Variants in SLC30A4 observed in about 807,000 individuals in gnomAD.
The protein encoded by SLC30A4 is probable proton-coupled zinc antiporter SLC30A4.
In SLC30A4, 20 loss-of-function variants were observed where a neutral mutation model predicts 41.7. The ratio of observed to expected loss-of-function variants is 0.48; its 90% CI spans 0.34 to 0.70. The LOEUF (loss-of-function observed/expected upper bound fraction) is 0.70, where lower values mean the gene tolerates loss of function less well. Among genes scored for constraint, SLC30A4 ranks in the 30% least tolerant of loss-of-function variants. The pLI is 0.01. For synonymous variants in SLC30A4, 181 were observed against 195.9 expected (o/e 0.92, Z 0.64); for missense variants, 441 against 529.3 (o/e 0.83, Z 1.64).
chr15:45,487,519 G>A lies in SLC30A4; in HGVS notation c.1000+8C>T. On this transcript the variant is annotated splice_region_variant and intron_variant, in intron 6 of 7. Coordinates refer to ENST00000261867, the MANE Select transcript of SLC30A4 (RefSeq NM_013309.6). ...TAAACTCATAATGAGGATATAGTGA[G>A]ATCTTACCTTCTAGTATTATAACTA... 1 of 1,276,168 alleles carries A rather than the reference G, an allele frequency of 7.8e-7. No individual in the cohort carries two copies. The highest frequency in any genetic ancestry group is 1.1e-6 in the Non-Finnish European group (1 of 874,362). The allele number at this position is 1,276,168 out of a possible 1,614,324, so 79.1% of individuals were successfully genotyped here.
rs922369484 is a variant in SLC30A4, at chr15:45,480,723, A to C, written c.*4440T>G. On this transcript the variant is annotated 3_prime_UTR_variant, in exon 8 of 8. Coordinates refer to ENST00000261867, the MANE Select transcript of SLC30A4 (RefSeq NM_013309.6). ...TAAGAACACCATATTAAGTTGAGCC[A>C]ATTAACATATATGCATAAAAGGAAA... 2.0e-5 allele frequency: 3 copies of C among 152,240 alleles called. No individual in the cohort carries two copies. Among genetic ancestry groups the C allele is most frequent in the African/African-American group, 7.2e-5 (3 of 41,458 alleles). The allele number at this position is 152,240 out of a possible 1,614,324, so 9.4% of individuals were successfully genotyped here. A position where few individuals can be genotyped will look rare whatever the true frequency, so the allele number is the denominator to read the frequency against.
rs1278765845 is a variant in SLC30A4, at chr15:45,482,046, C to A, written c.*3117G>T. The stretch of plus-strand genomic sequence containing the variant: ...GACCAGCCTGGGCAACATAGGGAGA[C>A]CCCATCTCATTAAAAAAAAAAAAAA... On this transcript the variant is annotated 3_prime_UTR_variant, in exon 8 of 8. Coordinates refer to ENST00000261867, the MANE Select transcript of SLC30A4 (RefSeq NM_013309.6). 2.3e-5 allele frequency: 3 copies of A among 129,366 alleles called. No homozygotes were observed. The highest frequency in any genetic ancestry group is 2.6e-4 in the South Asian group (1 of 3,874). 8.0% of individuals were successfully genotyped at this position (129,366 alleles called of 1,614,324 possible).
At chr15:45,487,733 G>A (rs549431753) in intron 5 of SLC30A4, 101 bp from the exon 6 acceptor site, 2 of 628,542 alleles carry the variant, frequency 3.2e-6, no homozygotes, top group South Asian at 4.1e-5. Flanking sequence ...ATTTTCTTTA[G>A]CAGAATTACA....
rs1314176770 is a variant in SLC30A4, at chr15:45,522,054, G to C, written c.301C>G (p.Gln101Glu). 3.1e-6 allele frequency: 5 copies of C among 1,614,064 alleles called. No homozygotes were observed. The highest frequency in any genetic ancestry group is 2.7e-5 in the African/African-American group (2 of 74,932). The change falls in exon 2 of 8, where the codon CAG becomes GAG. Residue 101 changes from glutamine to glutamate, a missense_variant. This residue lies in a region of SLC30A4 where 312 missense variants were observed against 341.9 expected (regional missense o/e 0.91). Coordinates refer to ENST00000261867, the MANE Select transcript of SLC30A4 (RefSeq NM_013309.6). ...TTTCTCTGCTTCAGTATCTCTCTCT[G>C]TTTGCTGCAGTTGTCACAGGAGTCC... ...KVDSCDNCSK[Q>E]REILKQRKVK...
At chr15:45,501,244 C>G (rs1378735599) in intron 3 of SLC30A4, among the ~76,000 whole-genome samples, 1 of 151,676 alleles carries the variant, frequency 6.6e-6, no homozygotes, top group Non-Finnish European at 1.5e-5. Flanking sequence ...GGAGGCGGAG[C>G]TTGCAGGGAG....
intron 3 of SLC30A4, among the ~76,000 whole-genome samples, chr15:45,495,527 A>G (rs1321230470): frequency 6.6e-6 from 1 of 152,236 alleles, no homozygotes; most frequent in Non-Finnish European, 1.5e-5. Flanking sequence ...TATATTAGGC[A>G]TCCTATGAGT....
chr15:45,507,854 C>T (rs754201268), intron 3 of SLC30A4, among the ~76,000 whole-genome samples: 4 of 152,048 alleles, frequency 2.6e-5, no homozygotes, highest in Non-Finnish European at 4.4e-5. Context: ...TAGTTTTGGT[C>T]ATTTTAATTC....
At chr15:45,507,341 T>TAAATAAAC (rs1892181961) in intron 3 of SLC30A4, among the ~76,000 whole-genome samples, 1 of 150,262 alleles carries the variant, frequency 6.7e-6, no homozygotes, top group Admixed American at 6.7e-5. Flanking sequence ...AATAAATAAA[T>TAAATAAAC]AAATAAATAA....
intron 5 of SLC30A4, among the ~76,000 whole-genome samples, chr15:45,488,254 T>G (rs914187539): frequency 6.6e-6 from 1 of 152,162 alleles, no homozygotes; most frequent in Non-Finnish European, 1.5e-5. Context: ...TTTTACTACC[T>G]AGTAATTCAA....
intron 2 of SLC30A4, among the ~76,000 whole-genome samples, chr15:45,517,889 A>G (rs1566883553): frequency 1.3e-5 from 2 of 151,994 alleles, no homozygotes; most frequent in Non-Finnish European, 2.9e-5. Flanking sequence ...CAGAGCTTGC[A>G]GTGAGCCGAG....
At chr15:45,517,202 G>A (rs2140859961) in intron 2 of SLC30A4, among the ~76,000 whole-genome samples, 1 of 151,250 alleles carries the variant, frequency 6.6e-6, no homozygotes, top group Admixed American at 6.6e-5. Flanking sequence ...GACTTCTAAA[G>A]TTGGAGTTCC....
chr15:45,514,734 C>T (rs1267321294), intron 2 of SLC30A4, among the ~76,000 whole-genome samples: 1 of 151,632 alleles, frequency 6.6e-6, no homozygotes, highest in Non-Finnish European at 1.5e-5. Flanking sequence ...AGGCTGGTCT[C>T]GAACCCCTAA....
At chr15:45,510,916 T>G (rs1892273405) in intron 3 of SLC30A4, among the ~76,000 whole-genome samples, 1 of 152,230 alleles carries the variant, frequency 6.6e-6, no homozygotes, top group African/African-American at 2.4e-5. Context: ...GAGCAACCTT[T>G]GAAGATTAAT....
chr15:45,487,442 G>A (rs1365319887), intron 6 of SLC30A4, 85 bp downstream of exon 6: 7 of 692,024 alleles, frequency 1.0e-5, no homozygotes, highest in Non-Finnish European at 1.8e-5. Context: ...AGCAAAAGAT[G>A]TAATTCCTAT....
intron 2 of SLC30A4, among the ~76,000 whole-genome samples, chr15:45,517,498 C>G (rs1004006802): frequency 6.6e-6 from 1 of 151,214 alleles, no homozygotes; most frequent in African/African-American, 2.4e-5. Context: ...GGATTACAGG[C>G]ACGTGCCACC....
intron 2 of SLC30A4, 62 bp downstream of exon 2, chr15:45,521,902 T>C: frequency 6.5e-7 from 1 of 1,535,702 alleles, no homozygotes; most frequent in Non-Finnish European, 8.9e-7. Flanking sequence ...CCTGTGTAAC[T>C]ACAGCTTGAC....
At chr15:45,500,868 G>A (rs934982278) in intron 3 of SLC30A4, among the ~76,000 whole-genome samples, 3 of 151,504 alleles carry the variant, frequency 2.0e-5, no homozygotes, top group Non-Finnish European at 2.9e-5. Flanking sequence ...ATTTTTAGTA[G>A]AGATGGGGTT....
intron 3 of SLC30A4, among the ~76,000 whole-genome samples, chr15:45,503,947 C>T (rs1892096315): frequency 6.6e-6 from 1 of 150,984 alleles, no homozygotes; most frequent in African/African-American, 2.4e-5. Context: ...ACTCAGTCTC[C>T]AAAATAAATA....
At chr15:45,504,935 A>C (rs1219205519) in intron 3 of SLC30A4, among the ~76,000 whole-genome samples, 1 of 152,100 alleles carries the variant, frequency 6.6e-6, no homozygotes, top group Admixed American at 6.6e-5. Context: ...AATACCAATC[A>C]AAAGTCTACA....
Sources: allele counts gnomAD v4.1 joint callset (sites outside exome capture counted in the v4.1 genomes callset), GRCh38; gene constraint gnomAD v4.1.1; regional missense constraint gnomAD v4.1.1; transcripts MANE v1.5; gene names NCBI Gene and HGNC (gene_info 2026-07-23, HGNC 2026-07-21).